The following DNAJB12 variants were observed in gnomAD, a reference collection of about 807,000 sequenced individuals.
DNAJB12 encodes the protein dnaJ homolog subfamily B member 12.
A neutral mutation model predicts 40.6 loss-of-function variants in DNAJB12; 14 were observed. The ratio of observed to expected loss-of-function variants is 0.34; its 90% CI spans 0.23 to 0.54. The LOEUF (loss-of-function observed/expected upper bound fraction) is 0.54. Among genes scored for constraint, DNAJB12 ranks in the 20% least tolerant of loss-of-function variants. The pLI is 0.92. For synonymous variants in DNAJB12, 181 were observed against 199.5 expected (o/e 0.91, Z 0.78); for missense variants, 444 against 501.7 (o/e 0.89, Z 1.10).
intron 1 of DNAJB12, among the ~76,000 whole-genome samples, chr10:72,350,288 G>C (rs1280525993): frequency 6.7e-6 from 1 of 149,794 alleles, no homozygotes; most frequent in African/African-American, 2.5e-5. Context: ...GGTCCCGGCT[G>C]TTTGGTAGGC....
intron 5 of DNAJB12, among the ~76,000 whole-genome samples, chr10:72,338,666 A>T (rs1309729876): frequency 1.3e-5 from 2 of 152,164 alleles, no homozygotes; most frequent in Non-Finnish European, 2.9e-5. Context: ...CCACACAAAT[A>T]TATTACCAAT....
At chr10:72,340,566 G>T (rs111921088) in intron 5 of DNAJB12, among the ~76,000 whole-genome samples, 1 of 152,158 alleles carries the variant, frequency 6.6e-6, no homozygotes, top group Admixed American at 6.5e-5. Flanking sequence ...CAGCAAAGCC[G>T]CGCTCCCGCC....
At position 72,345,134 on chromosome 10, in the gene DNAJB12, A is replaced by G; in HGVS notation, c.134-7T>C. The G allele has an allele frequency of 6.3e-7, 1 of 1,596,182 alleles. No individual in the cohort carries two copies. The highest frequency in any genetic ancestry group is 1.3e-5 in the African/African-American group (1 of 74,488). ...TTGAGGGACTCAATCAGGGCTGTGCAAGGCAAGGAAACCATTCAGAGCTCC... is the reference window on the plus strand; with the variant it reads ...TTGAGGGACTCAATCAGGGCTGTGCGAGGCAAGGAAACCATTCAGAGCTCC... On this transcript the variant is annotated splice_polypyrimidine_tract_variant and splice_region_variant and intron_variant, in intron 1 of 8. Coordinates refer to ENST00000444643, the MANE Select transcript of DNAJB12 (RefSeq NM_017626.7).
chr10:72,342,242 G>A (rs945241224), intron 3 of DNAJB12, among the ~76,000 whole-genome samples: 7 of 152,170 alleles, frequency 4.6e-5, no homozygotes, highest in African/African-American at 1.7e-4. Context: ...TAGCCGGGAC[G>A]GCTGTGCCCT....
intron 1 of DNAJB12, among the ~76,000 whole-genome samples, chr10:72,349,709 TCA>T (rs1368235142): frequency 6.6e-6 from 1 of 152,140 alleles, no homozygotes; most frequent in African/African-American, 2.4e-5. Context: ...CTTGTACCTC[TCA>T]GAGAAGATTC....
intron 1 of DNAJB12, among the ~76,000 whole-genome samples, chr10:72,352,515 A>G (rs1406984434): frequency 6.6e-6 from 1 of 152,024 alleles, no homozygotes; most frequent in Non-Finnish European, 1.5e-5. Context: ...CACTCACTAA[A>G]CTGCTGATAA....
At chr10:72,351,500 C>T (rs1861933804) in intron 1 of DNAJB12, among the ~76,000 whole-genome samples, 1 of 152,240 alleles carries the variant, frequency 6.6e-6, no homozygotes, top group Admixed American at 6.5e-5. Context: ...CGATCCTTCC[C>T]TTTTCAACTC....
chr10:72,348,553 T>C (rs1298055588), intron 1 of DNAJB12, among the ~76,000 whole-genome samples: 1 of 152,232 alleles, frequency 6.6e-6, no homozygotes, highest in African/African-American at 2.4e-5. Context: ...TGCGACCCAC[T>C]GAGGTCTGAC....
chr10:72,352,115 C>G (rs1459832428), intron 1 of DNAJB12, among the ~76,000 whole-genome samples: 2 of 152,204 alleles, frequency 1.3e-5, no homozygotes, highest in African/African-American at 4.8e-5. Context: ...GCTCTCTTCC[C>G]TCTCATTAAC....
chr10:72,347,042 G>A lies in DNAJB12; in HGVS notation c.134-1915C>T, dbSNP rs376624281. Among the ~76,000 whole-genome samples, 127 of 150,546 alleles carry A rather than the reference G, an allele frequency of 8.4e-4. 2 individuals carry two copies. Among genetic ancestry groups the A allele is most frequent in the East Asian group, 7.4e-3 (38 of 5,118 alleles). On this transcript the variant is annotated intron_variant, in intron 1 of 8. Coordinates refer to ENST00000444643, the MANE Select transcript of DNAJB12 (RefSeq NM_017626.7). ...TGCAATGGCATGATCTCAGCTCACT[G>A]CAACCTCTGCCTCCCGGTTTCAAGC...
At chr10:72,349,856 C>T (rs1247417455) in intron 1 of DNAJB12, among the ~76,000 whole-genome samples, 2 of 152,090 alleles carry the variant, frequency 1.3e-5, no homozygotes, top group African/African-American at 4.8e-5. Flanking sequence ...TTAAAGATTT[C>T]CAGTTGCTGG....
intron 5 of DNAJB12, among the ~76,000 whole-genome samples, chr10:72,339,783 G>A (rs1319560553): frequency 4.7e-5 from 7 of 149,976 alleles, no homozygotes; most frequent in East Asian, 2.1e-4. Flanking sequence ...GCACGATCTC[G>A]GCTCAACACA....
intron 1 of DNAJB12, among the ~76,000 whole-genome samples, chr10:72,349,368 G>A (rs1261702739): frequency 6.6e-6 from 1 of 152,068 alleles, no homozygotes; most frequent in Non-Finnish European, 1.5e-5. Context: ...GGAGCTCCAA[G>A]GCTCAGGAAG....
At position 72,343,382 on chromosome 10, in the gene DNAJB12, G is replaced by A. The variant is rs1300914372; in HGVS notation, c.441C>T (p.Ala147=). The A allele has an allele frequency of 2.5e-6, 4 of 1,613,640 alleles. No individual in the cohort carries two copies. The South Asian group carries it at 4.4e-5, about 18-fold the overall frequency. Residue 147 remains alanine (A), a synonymous_variant, in exon 3 of 9, where the codon GCC becomes GCT. Coordinates refer to ENST00000444643, the MANE Select transcript of DNAJB12 (RefSeq NM_017626.7). Reference sequence around the variant, plus strand: ...CTGGCTTACCTTTGAAGGCTTCAGTGGCACCAGGTGCGTGGTTCTTGTCTG... The same window carrying A: ...CTGGCTTACCTTTGAAGGCTTCAGTAGCACCAGGTGCGTGGTTCTTGTCTG... ...FHPDKNHAPG[A]TEAFKAIGTA... is the part of the protein sequence containing the mutation.
chr10:72,343,612 G>A (rs977560814), intron 2 of DNAJB12, 101 bp from the exon 3 acceptor site: 20 of 1,329,556 alleles, frequency 1.5e-5, no homozygotes, highest in African/African-American at 1.5e-4. Context: ...GGCAGGCTGC[G>A]GGGGACCAAC....
Position 72,333,310 on chromosome 10 carries a change from G to A in DNAJB12, c.*1338C>T, listed in dbSNP as rs1216649046. The A allele has an allele frequency of 2.0e-5, 3 of 152,282 alleles. No homozygotes were observed. Among genetic ancestry groups the A allele is most frequent in the Non-Finnish European group, 4.4e-5 (3 of 68,022 alleles). 9.4% of individuals were successfully genotyped at this position (152,282 alleles called of 1,614,324 possible). A position where few individuals can be genotyped will look rare whatever the true frequency, so the allele number is the denominator to read the frequency against. On this transcript the variant is annotated 3_prime_UTR_variant, in exon 9 of 9. Coordinates refer to ENST00000444643, the MANE Select transcript of DNAJB12 (RefSeq NM_017626.7). ...CATTCCAGAAGGCCCAGGAGAAACT[G>A]TGGGAATAAATAAAACCTCCCTCCT... is the stretch of plus-strand genomic sequence containing the variant.
At chr10:72,344,445 G>C (rs1012395044) in intron 2 of DNAJB12, among the ~76,000 whole-genome samples, 4 of 152,226 alleles carry the variant, frequency 2.6e-5, no homozygotes, top group African/African-American at 9.6e-5. Context: ...AGGAGCCTTG[G>C]CTGGGTGGTC....
intron 1 of DNAJB12, among the ~76,000 whole-genome samples, chr10:72,349,555 T>C (rs1281051375): frequency 6.6e-6 from 1 of 152,198 alleles, no homozygotes; most frequent in African/African-American, 2.4e-5. Flanking sequence ...CCTAGAGCTT[T>C]TCAAGAAGCT....
Position 72,334,612 on chromosome 10 carries a change from CAT to C in DNAJB12, c.*34_*35del, listed in dbSNP as rs1223936486. ...GTCACCAAAAATTCTCCAGGGATTT[CAT>C]AGTCTGGGGAGGAGAGTGGCAACAG... On this transcript the variant is annotated 3_prime_UTR_variant, in exon 9 of 9. Transcript: ENST00000444643. 14 of 1,534,202 alleles carry C rather than the reference CAT, an allele frequency of 9.1e-6. No homozygotes were observed. The highest frequency in any genetic ancestry group is 1.2e-5 in the Non-Finnish European group (14 of 1,146,320).
Sources: allele counts gnomAD v4.1 joint callset (sites outside exome capture counted in the v4.1 genomes callset), GRCh38; gene constraint gnomAD v4.1.1; transcripts MANE v1.5; gene names NCBI Gene and HGNC (gene_info 2026-07-23, HGNC 2026-07-21).